Variants in KHDRBS2 observed in about 807,000 individuals in gnomAD.
The protein encoded by KHDRBS2 is KH domain-containing, RNA-binding, signal transduction-associated protein 2.
In KHDRBS2, 26 loss-of-function variants were observed where a neutral mutation model predicts 44.3. That is an observed-to-expected ratio of 0.59 (90% CI 0.43 to 0.81). The LOEUF (loss-of-function observed/expected upper bound fraction) is 0.81. Among genes scored for constraint, KHDRBS2 ranks in the 40% least tolerant of loss-of-function variants. The probability of loss-of-function intolerance (pLI) is 0.00; values close to 1 mark genes in which losing one functional copy is unlikely to be tolerated. For missense variants in KHDRBS2, 476 were observed against 433.1 expected, an observed-to-expected ratio of 1.10 and a Z score of -0.88; for synonymous variants, 194 against 151.1, an observed-to-expected ratio of 1.28 and a Z score of -2.08.
At chr6:62,133,037 A>T (rs1482203991) in intron 2 of KHDRBS2, among the ~76,000 whole-genome samples, 1 of 152,238 alleles carries the variant, frequency 6.6e-6, no homozygotes, top group African/African-American at 2.4e-5. Flanking sequence ...CTGTCATAAC[A>T]CAAAGCAGCC....
intron 3 of KHDRBS2, among the ~76,000 whole-genome samples, chr6:62,020,182 G>T (rs940921178): frequency 6.6e-6 from 1 of 151,872 alleles, no homozygotes; most frequent in African/African-American, 2.4e-5. Context: ...GGATTATTTA[G>T]AAGTGTACTA....
At chr6:62,232,936 CAA>C (rs1476797597) in intron 1 of KHDRBS2, among the ~76,000 whole-genome samples, 1 of 152,078 alleles carries the variant, frequency 6.6e-6, no homozygotes, top group East Asian at 1.9e-4. Flanking sequence ...GATACCCAAC[CAA>C]AGAGTAGCAC....
chr6:62,285,485 C>G (rs963516873), intron 1 of KHDRBS2, among the ~76,000 whole-genome samples: 2 of 152,150 alleles, frequency 1.3e-5, no homozygotes, highest in Non-Finnish European at 2.9e-5. Flanking sequence ...AGCTACGAAG[C>G]TCTTAGAACA....
intron 1 of KHDRBS2, among the ~76,000 whole-genome samples, chr6:62,219,787 T>G (rs1028218494): frequency 6.7e-6 from 1 of 148,346 alleles, no homozygotes; most frequent in African/African-American, 2.4e-5. Context: ...TATATATATT[T>G]TTATTTACTA....
At chr6:61,661,517 C>T in the KHDRBS2 span, among the ~76,000 whole-genome samples, 1 of 151,868 alleles carries the variant, frequency 6.6e-6, no homozygotes, top group Non-Finnish European at 1.5e-5. Flanking sequence ...ACTAAATTAT[C>T]CATCCAACCT....
chr6:62,237,963 T>G (rs1833966529), intron 1 of KHDRBS2, among the ~76,000 whole-genome samples: 1 of 149,458 alleles, frequency 6.7e-6, no homozygotes. Context: ...CACTTGAACC[T>G]GGGAGGCGGA....
chr6:61,671,250 C>A, the KHDRBS2 span, among the ~76,000 whole-genome samples: 2 of 151,558 alleles, frequency 1.3e-5, no homozygotes, highest in Non-Finnish European at 3.0e-5. Context: ...CCAATTTTCT[C>A]CTGGGTATAG....
At chr6:62,038,935 A>G (rs1476242050) in intron 3 of KHDRBS2, among the ~76,000 whole-genome samples, 2 of 152,070 alleles carry the variant, frequency 1.3e-5, no homozygotes, top group East Asian at 3.9e-4. Context: ...ATTAATTAAT[A>G]ATGTATTGTA....
intron 6 of KHDRBS2, among the ~76,000 whole-genome samples, chr6:61,889,914 T>G (rs1801560874): frequency 6.6e-6 from 1 of 152,300 alleles, no homozygotes; most frequent in East Asian, 1.9e-4. Context: ...CCAGGGATAT[T>G]GTTTACAGAA....
chr6:61,729,573 C>A (rs1277915107), intron 7 of KHDRBS2, among the ~76,000 whole-genome samples: 1 of 152,170 alleles, frequency 6.6e-6, no homozygotes, highest in Non-Finnish European at 1.5e-5. Flanking sequence ...ATGAGCATTG[C>A]AGTTGCTCCA....
intron 6 of KHDRBS2, among the ~76,000 whole-genome samples, chr6:61,871,982 T>C (rs1798731135): frequency 6.6e-6 from 1 of 151,046 alleles, no homozygotes; most frequent in South Asian, 2.1e-4. Context: ...TTAGGAGAAA[T>C]ACCTAATGTA....
At chr6:61,763,787 C>G (rs966766856) in intron 6 of KHDRBS2, among the ~76,000 whole-genome samples, 6 of 152,074 alleles carry the variant, frequency 3.9e-5, no homozygotes, top group Non-Finnish European at 8.8e-5. Flanking sequence ...CTCTGCACAA[C>G]TGGGCTGATA....
Position 62,065,204 on chromosome 6 carries a change from C to G in KHDRBS2, c.220-17210G>C, listed in dbSNP as rs572282676. Among the ~76,000 whole-genome samples, 893 of 152,130 alleles carry G rather than the reference C, an allele frequency of 5.9e-3. 6 individuals are homozygous for G. The highest frequency in any genetic ancestry group is 8.9e-3 in the Non-Finnish European group (604 of 67,998). On this transcript the variant is annotated intron_variant, in intron 2 of 8. Transcript: ENST00000281156. ...TTGGTGGGACTGTAAACTAGTTCAA[C>G]CATTGTGGAAGTCAGTGTGGCCATT...
At chr6:61,894,402 G>A (rs1208210791) in intron 6 of KHDRBS2, among the ~76,000 whole-genome samples, 1 of 152,122 alleles carries the variant, frequency 6.6e-6, no homozygotes, top group East Asian at 1.9e-4. Flanking sequence ...GATAAGTTTG[G>A]TTCTTAAAAT....
At chr6:62,110,139 A>C (rs1176449094) in intron 2 of KHDRBS2, among the ~76,000 whole-genome samples, 2 of 152,116 alleles carry the variant, frequency 1.3e-5, no homozygotes, top group Non-Finnish European at 2.9e-5. Context: ...TGATACTGCT[A>C]CCTACCTAAT....
chr6:62,206,047 T>C (rs957340814), intron 1 of KHDRBS2, among the ~76,000 whole-genome samples: 1 of 152,136 alleles, frequency 6.6e-6, no homozygotes, highest in Non-Finnish European at 1.5e-5. Context: ...TGCTTAACAG[T>C]GAATAATAAT....
chr6:61,560,629 T>G, the KHDRBS2 span, among the ~76,000 whole-genome samples: 1 of 152,192 alleles, frequency 6.6e-6, no homozygotes, highest in African/African-American at 2.4e-5. Flanking sequence ...TCCAATTGCA[T>G]TTTTCAGATC....
intron 2 of KHDRBS2, among the ~76,000 whole-genome samples, chr6:62,096,544 A>G (rs2127368799): frequency 1.3e-5 from 2 of 151,850 alleles, no homozygotes; most frequent in East Asian, 3.9e-4. Context: ...GATTCTTTGT[A>G]TTTCTAAGGT....
intron 1 of KHDRBS2, among the ~76,000 whole-genome samples, chr6:62,194,778 A>T (rs1264284835): frequency 6.6e-6 from 1 of 151,712 alleles, no homozygotes; most frequent in Non-Finnish European, 1.5e-5. Context: ...AAGTGTTGGA[A>T]TTACAGGTGT....
Sources: gnomAD v4.1 joint callset for allele counts (sites outside exome capture counted in the v4.1 genomes callset) on GRCh38, gnomAD v4.1.1 for gene constraint, MANE v1.5 for transcripts, NCBI Gene and HGNC (gene_info 2026-07-23, HGNC 2026-07-21) for gene names.